The following DMD variants were observed in gnomAD, a reference collection of about 807,000 sequenced individuals.
DMD encodes the protein mutant dystrophin.
Under a neutral mutation model 330.1 loss-of-function variants are expected in DMD, and 63 were observed. That is an observed-to-expected ratio of 0.19 (90% CI 0.16 to 0.24). The LOEUF is 0.24. DMD is among the 10% of genes least tolerant of loss of function. The pLI is 1.00. For missense variants in DMD, 3,344 were observed against 2,684.1 expected, an observed-to-expected ratio of 1.25 and a Z score of -5.43; for synonymous variants, 1,223 against 959.8, an observed-to-expected ratio of 1.27 and a Z score of -5.07.
intron 2 of DMD, among the ~76,000 whole-genome samples, chrX:33,006,410 A>G (rs181806255): frequency 2.2e-4 from 25 of 112,237 alleles, no homozygotes; most frequent in African/African-American, 7.4e-4. Flanking sequence ...CATCAATAGA[A>G]CAGAATAGTG....
At chrX:32,750,150 C>T (rs1035067576) in intron 7 of DMD, among the ~76,000 whole-genome samples, 1 of 111,830 alleles carries the variant, frequency 8.9e-6, no homozygotes, top group Non-Finnish European at 1.9e-5. Context: ...AGATTTTTCC[C>T]TAACGGAAAA....
At chrX:33,053,893 T>C (rs1313782454) in intron 1 of DMD, among the ~76,000 whole-genome samples, 2 of 111,507 alleles carry the variant, frequency 1.8e-5, no homozygotes, top group Non-Finnish European at 3.8e-5. Flanking sequence ...TGTAAAGAGA[T>C]AGTGCAGAGG....
chrX:32,358,844 C>T (rs182473921), intron 37 of DMD, among the ~76,000 whole-genome samples: 1 of 111,431 alleles, frequency 9.0e-6, no homozygotes, highest in East Asian at 2.8e-4. Flanking sequence ...ATGGAAATAC[C>T]CATTGATATT....
intron 2 of DMD, 98 bp from the exon 3 acceptor site, chrX:32,849,918 A>G (rs1005592752): frequency 1.3e-4 from 85 of 666,595 alleles, no homozygotes; most frequent in Non-Finnish European, 1.8e-4. Flanking sequence ...ATATTTAAGG[A>G]TAATTAGTGT....
intron 8 of DMD, 51 bp downstream of exon 8, chrX:32,699,061 C>A: frequency 9.2e-7 from 1 of 1,083,088 alleles, no homozygotes; most frequent in Non-Finnish European, 1.3e-6. Context: ...CCTAAAAATG[C>A]ATATAAAACA....
intron 1 of DMD, among the ~76,000 whole-genome samples, chrX:33,328,124 GAATAT>G: frequency 9.0e-6 from 1 of 111,712 alleles, no homozygotes; most frequent in African/African-American, 3.2e-5. Flanking sequence ...AAAAGAAACT[GAATAT>G]AATAATAAAG....
In DMD at chrX:31,512,833, C is replaced by A. The variant is rs1270769844; in HGVS notation, c.8218-5380G>T. 9.6e-4 allele frequency among the ~76,000 whole-genome samples: 106 copies of A among 110,089 alleles called. 1 individual carries two copies. The highest frequency in any genetic ancestry group is 3.4e-3 in the African/African-American group (104 of 30,156). On this transcript the variant is annotated intron_variant, in intron 55 of 78. Transcript: ENST00000357033. The stretch of plus-strand genomic sequence containing the variant: ...GGCGATGTGGGCTCTTTTTTGGTTC[C>A]ATATGAACTTTAAAGTAGTTTTTTC...
chrX:32,007,214 T>TATA (rs200080398), intron 44 of DMD, among the ~76,000 whole-genome samples: 6,250 of 94,355 alleles, frequency 0.066, 191 homozygotes, highest in Non-Finnish European at 0.084. Flanking sequence ...AAACTTAAAG[T>TATA]ATAATAATAA....
intron 74 of DMD, among the ~76,000 whole-genome samples, chrX:31,149,661 T>C (rs112294255): frequency 0.099 from 11,048 of 111,525 alleles, 901 homozygotes; most frequent in African/African-American, 0.26. Context: ...CCTCTTGCTT[T>C]ACAGGTTGAA....
intron 1 of DMD, among the ~76,000 whole-genome samples, chrX:33,051,079 TG>T (rs1382984735): frequency 8.9e-6 from 1 of 112,204 alleles, no homozygotes; most frequent in Non-Finnish European, 1.9e-5. Context: ...ACACCCATAA[TG>T]TAAGTAACGT....
At chrX:32,460,735 C>T (rs750598867) in intron 25 of DMD, among the ~76,000 whole-genome samples, 16 of 111,369 alleles carry the variant, frequency 1.4e-4, no homozygotes, top group African/African-American at 4.6e-4. Context: ...GCTTTAATTT[C>T]GCCTCTTCAG....
intron 29 of DMD, among the ~76,000 whole-genome samples, chrX:32,429,621 G>A (rs750191497): frequency 1.9e-5 from 2 of 106,002 alleles, no homozygotes; most frequent in Non-Finnish European, 3.9e-5. Context: ...CTTCTTTCTT[G>A]CTTTACTGCG....
intron 3 of DMD, among the ~76,000 whole-genome samples, chrX:32,848,201 A>G (rs2080846965): frequency 1.8e-5 from 2 of 111,947 alleles, no homozygotes; most frequent in Non-Finnish European, 3.8e-5. Context: ...GTAAGCCATA[A>G]TCTTTGAAAG....
chrX:32,815,333 A>G (rs1361743572), intron 6 of DMD, among the ~76,000 whole-genome samples: 2 of 107,802 alleles, frequency 1.9e-5, no homozygotes, highest in Non-Finnish European at 3.8e-5. Context: ...AAAGTGAGAA[A>G]ACATAACTTG....
chrX:31,877,555 G>A (rs896606274), intron 47 of DMD, among the ~76,000 whole-genome samples: 2 of 111,644 alleles, frequency 1.8e-5, no homozygotes, highest in African/African-American at 3.3e-5. Context: ...AAGAAGCATT[G>A]TGTTTCAGAT....
chrX:32,146,460 T>C (rs996696679), intron 44 of DMD, among the ~76,000 whole-genome samples: 1 of 111,003 alleles, frequency 9.0e-6, no homozygotes, highest in Non-Finnish European at 1.9e-5. Flanking sequence ...GCCAGATGGG[T>C]ATATATGGAT....
chrX:32,013,040 C>T (rs1213369406), intron 44 of DMD, among the ~76,000 whole-genome samples: 1 of 107,631 alleles, frequency 9.3e-6, no homozygotes, highest in Non-Finnish European at 1.9e-5. Flanking sequence ...TTTTTTTCTC[C>T]ATGAAGCCTT....
At chrX:33,163,303 G>A (rs1034303285) in intron 1 of DMD, among the ~76,000 whole-genome samples, 3 of 109,669 alleles carry the variant, frequency 2.7e-5, no homozygotes, top group South Asian at 3.9e-4. Flanking sequence ...TTGCGAGGCC[G>A]AGGCAGGTGG....
At chrX:32,372,095 T>G (rs781592273) in intron 34 of DMD, among the ~76,000 whole-genome samples, 2 of 111,664 alleles carry the variant, frequency 1.8e-5, no homozygotes, top group South Asian at 3.7e-4. Flanking sequence ...TTGTATTTGT[T>G]CATCTATAAA....
Sources: gnomAD v4.1 joint callset for allele counts (sites outside exome capture counted in the v4.1 genomes callset) on GRCh38, gnomAD v4.1.1 for gene constraint, MANE v1.5 for transcripts, NCBI Gene and HGNC (gene_info 2026-07-23, HGNC 2026-07-21) for gene names.